Variants in DACH2 observed in about 807,000 individuals in gnomAD.
The protein encoded by DACH2 is dachshund family transcription factor 2.
Under a neutral mutation model 35.8 loss-of-function variants are expected in DACH2, and 17 were observed. The ratio of observed to expected loss-of-function variants is 0.48; its 90% CI spans 0.33 to 0.71. The LOEUF is 0.71. DACH2 is among the 30% of genes least tolerant of loss of function. The pLI, the probability that DACH2 is intolerant of heterozygous loss-of-function variation, is 0.02. For missense variants in DACH2, 469 were observed against 472.7 expected, an observed-to-expected ratio of 0.99 and a Z score of 0.07; for synonymous variants, 195 against 177.3, an observed-to-expected ratio of 1.10 and a Z score of -0.79.
intron 3 of DACH2, among the ~76,000 whole-genome samples, chrX:86,558,247 A>T (rs62593319): frequency 0.095 from 4,686 of 49,585 alleles, 1,121 homozygotes; most frequent in Middle Eastern, 0.18. Context: ...ACATTTATTG[A>T]TTTGCGTATA....
intron 2 of DACH2, among the ~76,000 whole-genome samples, chrX:86,396,322 C>A (rs1239232592): frequency 1.0e-5 from 1 of 97,047 alleles, no homozygotes; most frequent in Non-Finnish European, 2.1e-5. Flanking sequence ...TGAAAATTTT[C>A]TCCCATTTTG....
chrX:86,451,476 T>C (rs1569405377), intron 2 of DACH2, among the ~76,000 whole-genome samples: 1 of 111,726 alleles, frequency 9.0e-6, no homozygotes, highest in Non-Finnish European at 1.9e-5. Context: ...TAGCATAGTT[T>C]GAAGTCAGGT....
intron 3 of DACH2, among the ~76,000 whole-genome samples, chrX:86,614,729 A>G (rs1348146687): frequency 9.0e-6 from 1 of 111,680 alleles, no homozygotes; most frequent in Non-Finnish European, 1.9e-5. Flanking sequence ...TTTCCATAAA[A>G]TTTTGAGGGG....
chrX:86,426,727 C>T (rs948949757), intron 2 of DACH2, among the ~76,000 whole-genome samples: 33 of 111,434 alleles, frequency 3.0e-4, no homozygotes, highest in African/African-American at 1.1e-3. Context: ...AAGTCCTACA[C>T]TCATTCCTCA....
intron 3 of DACH2, among the ~76,000 whole-genome samples, chrX:86,591,486 G>T (rs1214188307): frequency 4.6e-5 from 5 of 109,407 alleles, no homozygotes; most frequent in African/African-American, 1.7e-4. Flanking sequence ...TTTTCATATG[G>T]TTATTTGTCA....
intron 7 of DACH2, among the ~76,000 whole-genome samples, chrX:86,741,957 A>T (rs760759013): frequency 6.3e-5 from 7 of 111,254 alleles, no homozygotes; most frequent in Non-Finnish European, 1.1e-4. Flanking sequence ...TTTTCTATCT[A>T]CTAAAGGTGC....
intron 1 of DACH2, among the ~76,000 whole-genome samples, chrX:86,155,451 A>G (rs2030511208): frequency 9.0e-6 from 1 of 111,063 alleles, no homozygotes; most frequent in Non-Finnish European, 1.9e-5. Context: ...AGAAACGCAT[A>G]TGGTCACCAA....
intron 2 of DACH2, among the ~76,000 whole-genome samples, chrX:86,496,389 ACATTTATT>A (rs1347297114): frequency 9.0e-6 from 1 of 111,203 alleles, no homozygotes; most frequent in Non-Finnish European, 1.9e-5. Context: ...TTTTACTCTG[ACATTTATT>A]CAATAGTGTA....
rs745417664 is a variant in DACH2, at chrX:86,755,832, C to T, written c.1240+15950C>T. ...CAGGATGGTCTTGATCTCCTGACCT[C>T]GTGATCCACCCGCCTCAGCCTCTCA... On this transcript the variant is annotated intron_variant, in intron 7 of 11. Transcript: ENST00000373125. Among the ~76,000 whole-genome samples, 543 of 109,649 alleles carry T rather than the reference C, an allele frequency of 5.0e-3. 1 individual carries two copies. Among genetic ancestry groups the T allele is most frequent in the Admixed American group, 0.012 (125 of 10,235 alleles).
rs186691839 is a variant in DACH2, at chrX:86,775,024, G to T, written c.1240+35142G>T. The stretch of plus-strand genomic sequence containing the variant: ...GGAATGTAAAGAGGTTAAAGACAGG[G>T]CCCTCACTATAGGGACTTTATAGTG... On this transcript the variant is annotated intron_variant, in intron 7 of 11. Coordinates refer to ENST00000373125, the MANE Select transcript of DACH2 (RefSeq NM_053281.3). Among the ~76,000 whole-genome samples, 194 of 111,348 alleles carry T rather than the reference G, an allele frequency of 1.7e-3. 1 individual carries two copies. The highest frequency in any genetic ancestry group is 6.2e-3 in the African/African-American group (189 of 30,679).
At chrX:86,306,397 G>A (rs1012978567) in intron 1 of DACH2, among the ~76,000 whole-genome samples, 4 of 111,854 alleles carry the variant, frequency 3.6e-5, no homozygotes, top group African/African-American at 1.3e-4. Flanking sequence ...TAAATAAGTT[G>A]ATGTCTGTGA....
intron 2 of DACH2, among the ~76,000 whole-genome samples, chrX:86,449,628 G>C (rs1267067070): frequency 9.1e-6 from 1 of 110,201 alleles, no homozygotes; most frequent in Non-Finnish European, 1.9e-5. Context: ...AGTTTATTTT[G>C]ATTTCTTGCT....
chrX:86,647,727 G>A (rs971506489), intron 3 of DACH2, among the ~76,000 whole-genome samples: 2 of 110,638 alleles, frequency 1.8e-5, no homozygotes, highest in Non-Finnish European at 3.8e-5. Flanking sequence ...TGGACAGGCA[G>A]AAACTTATGG....
intron 2 of DACH2, among the ~76,000 whole-genome samples, chrX:86,435,102 A>G (rs2037046783): frequency 9.0e-6 from 1 of 111,506 alleles, no homozygotes; most frequent in Non-Finnish European, 1.9e-5. Flanking sequence ...ATTGGGGATT[A>G]CAATTCAACA....
At chrX:86,274,366 A>C (rs944158624) in intron 1 of DACH2, among the ~76,000 whole-genome samples, 7 of 110,708 alleles carry the variant, frequency 6.3e-5, no homozygotes, top group Non-Finnish European at 1.1e-4. Flanking sequence ...CTAGGCAAAA[A>C]GATTTAGGGG....
chrX:86,297,179 G>A (rs1040274332), intron 1 of DACH2, among the ~76,000 whole-genome samples: 2 of 108,780 alleles, frequency 1.8e-5, no homozygotes, highest in Non-Finnish European at 1.9e-5. Flanking sequence ...ATATTATGGG[G>A]TTAGAGAAAA....
chrX:86,322,712 G>A (rs1173960529), intron 1 of DACH2, among the ~76,000 whole-genome samples: 1 of 112,174 alleles, frequency 8.9e-6, no homozygotes, highest in African/African-American at 3.2e-5. Context: ...CTTAATGGAG[G>A]GAGTGTACTG....
chrX:86,310,488 A>G, intron 1 of DACH2, among the ~76,000 whole-genome samples: 1 of 111,485 alleles, frequency 9.0e-6, no homozygotes, highest in Middle Eastern at 4.6e-3. Context: ...ATATGCAGGC[A>G]CCACCCAAAA....
Position 86,812,858 on chromosome X carries a change from G to C in DACH2, c.1243G>C (p.Glu415Gln). ...TGATACTAATTTTGTTTTTGCAGAAGAGGTACCAGTTCAAATTCCAATAAT... is the reference window on the plus strand; with the variant it reads ...TGATACTAATTTTGTTTTTGCAGAACAGGTACCAGTTCAAATTCCAATAAT... Reference protein sequence around the residue: ...QMDHHLERMEEVPVQIPIMKS... With the variant: ...QMDHHLERMEQVPVQIPIMKS... The change falls in exon 8 of 12, where the codon GAG (glutamate) becomes CAG (glutamine). Residue 415 changes from glutamate (E) to glutamine (Q), a missense_variant and splice_region_variant. Around this residue, in one of 3 missense-constraint regions of DACH2, gnomAD observed 363 missense variants for 334.4 expected, o/e 1.09. Transcript: ENST00000373125. 1 of 1,189,861 alleles carries C rather than the reference G, an allele frequency of 8.4e-7. No homozygotes were observed.
Sources: allele counts gnomAD v4.1 joint callset (sites outside exome capture counted in the v4.1 genomes callset), GRCh38; gene constraint gnomAD v4.1.1; regional missense constraint gnomAD v4.1.1; transcripts MANE v1.5; gene names NCBI Gene and HGNC (gene_info 2026-07-23, HGNC 2026-07-21).